PHTF1: variants seen among roughly 807,000 people sequenced by gnomAD.
The protein encoded by PHTF1 is protein PHTF1.
Under a neutral mutation model 102.4 loss-of-function variants are expected in PHTF1, and 88 were observed. The observed-to-expected ratio is 0.86, with a 90% CI of 0.72 to 1.03. PHTF1 has a LOEUF of 1.03. Among genes scored for constraint, PHTF1 ranks in the 50% least tolerant of loss-of-function variants. The pLI, the probability that PHTF1 is intolerant of heterozygous loss-of-function variation, is 0.00. For synonymous variants in PHTF1, 289 were observed against 305.2 expected, an observed-to-expected ratio of 0.95 and a Z score of 0.55; for missense variants, 814 against 909.5, an observed-to-expected ratio of 0.89 and a Z score of 1.35.
chr1:113,731,522 C>T (rs1557946378), intron 5 of PHTF1, among the ~76,000 whole-genome samples: 1 of 151,012 alleles, frequency 6.6e-6, no homozygotes, highest in Non-Finnish European at 1.5e-5. Context: ...AAGAGTGAGA[C>T]CCCGTCTCTA....
intron 5 of PHTF1, among the ~76,000 whole-genome samples, chr1:113,730,979 A>G (rs1006316700): frequency 2.6e-5 from 4 of 152,206 alleles, no homozygotes; most frequent in Non-Finnish European, 4.4e-5. Context: ...TCATAGAGGC[A>G]AGGTAGAATG....
rs367674568 is a variant in PHTF1, at chr1:113,738,263, T to C, written c.178A>G (p.Thr60Ala). The change falls in exon 5 of 19, where the codon ACA becomes GCA. Residue 60 changes from threonine (T) to alanine (A), a missense_variant. Transcript: ENST00000369604. ...ATTTCAGGTTTTGCTTTGGCAAATGTTGACCCTTTAAACATACAATAAAAC... is the reference window on the plus strand; with the variant it reads ...ATTTCAGGTTTTGCTTTGGCAAATGCTGACCCTTTAAACATACAATAAAAC... Reference protein sequence around the residue: ...LIDVDLIRGSTFAKAKPEIPW... With the variant: ...LIDVDLIRGSAFAKAKPEIPW... 4.3e-6 allele frequency: 7 copies of C among 1,613,314 alleles called. No homozygotes were observed. Among genetic ancestry groups the C allele is most frequent in the Non-Finnish European group, 5.9e-6 (7 of 1,179,470 alleles).
In PHTF1 at chr1:113,741,626, G is replaced by T. The variant is rs114813699; in HGVS notation, c.103-2827C>A. 8.5e-3 allele frequency among the ~76,000 whole-genome samples: 1,296 copies of T among 152,176 alleles called. 9 individuals carry two copies. The highest frequency in any genetic ancestry group is 0.014 in the Middle Eastern group (4 of 294). On this transcript the variant is annotated intron_variant, in intron 3 of 18. Coordinates refer to ENST00000369604, the MANE Select transcript of PHTF1 (RefSeq NM_001323043.2). ...ACAGAGTTAGAATTAGCATTAACTA[G>T]AGGTAAAATTATCCAAAGCTCCCTT...
chr1:113,739,924 CA>C (rs1237500566), intron 3 of PHTF1, among the ~76,000 whole-genome samples: 2 of 152,246 alleles, frequency 1.3e-5, no homozygotes, highest in African/African-American at 2.4e-5. Flanking sequence ...TTCTTTCTTA[CA>C]GCTAAATAGT....
intron 3 of PHTF1, among the ~76,000 whole-genome samples, chr1:113,750,625 A>G (rs1230683): frequency 0.75 from 113,592 of 151,802 alleles, 43,044 homozygotes; most frequent in African/African-American, 0.83. Context: ...TTGGGAGGCC[A>G]AGGCAGGCAG....
intron 2 of PHTF1, among the ~76,000 whole-genome samples, chr1:113,758,115 G>A (rs1200646248): frequency 6.6e-6 from 1 of 151,914 alleles, no homozygotes; most frequent in South Asian, 2.1e-4. Context: ...CGGGCGTGGT[G>A]GTGGGCGCCT....
In PHTF1 at chr1:113,706,594, C is replaced by T; in HGVS notation, c.1398G>A (p.Arg466=). 3 of 1,601,570 alleles carry T rather than the reference C, an allele frequency of 1.9e-6. No individual in the cohort carries two copies. Among genetic ancestry groups the T allele is most frequent in the Non-Finnish European group, 2.6e-6 (3 of 1,176,184 alleles). The part of the protein sequence containing the change: ...VLEISGIIMS[R]VNAYQQGVGY... ...AATCTGAAAACATATTCAGTCTTACCCTGCTCATGATGATGCCACTTATTT... is the reference window on the plus strand; with the variant it reads ...AATCTGAAAACATATTCAGTCTTACTCTGCTCATGATGATGCCACTTATTT... The change falls in exon 12 of 19, where the codon AGG becomes AGA. Residue 466 remains arginine (R), a splice_region_variant and synonymous_variant. Transcript: ENST00000369604.
chr1:113,698,439 C>T, intron 17 of PHTF1, 52 bp from the exon 18 acceptor site: 1 of 1,551,198 alleles, frequency 6.4e-7, no homozygotes, highest in Non-Finnish European at 8.9e-7. Flanking sequence ...CTCATAGCTA[C>T]TCAGTGACTT....
At chr1:113,699,556 G>GT in intron 17 of PHTF1, 148 bp downstream of exon 17, 1 of 668,830 alleles carries the variant, frequency 1.5e-6, no homozygotes, top group Non-Finnish European at 2.7e-6. Flanking sequence ...AACCACCACT[G>GT]TGACCCCTAC....
At chr1:113,715,648 CAAAAAAAAA>C (rs60517410) in intron 7 of PHTF1, among the ~76,000 whole-genome samples, 23 of 24,976 alleles carry the variant, frequency 9.2e-4, no homozygotes, top group Admixed American at 1.6e-3. Flanking sequence ...AACCCTGTCT[CAAAAAAAAA>C]AAAAAAAAAA....
chr1:113,698,618 TATACACACACACAC>T (rs201301819), intron 17 of PHTF1, among the ~76,000 whole-genome samples: 15,104 of 115,816 alleles, frequency 0.13, 954 homozygotes, highest in East Asian at 0.2. Flanking sequence ...TATATATATA[TATACACACACACAC>T]ACACACACAC....
chr1:113,726,274 G>C (rs1193962638), intron 6 of PHTF1, 144 bp downstream of exon 6: 1 of 644,390 alleles, frequency 1.6e-6, no homozygotes, highest in Non-Finnish European at 2.6e-6. Flanking sequence ...AAGGAGAAAA[G>C]TGCAAAGTAA....
intron 5 of PHTF1, among the ~76,000 whole-genome samples, chr1:113,733,259 T>G (rs1571196300): frequency 6.6e-6 from 1 of 151,948 alleles, no homozygotes; most frequent in East Asian, 1.9e-4. Flanking sequence ...AAACAGGTAC[T>G]CTCATCTATT....
At chr1:113,718,501 G>T (rs1417771959) in intron 7 of PHTF1, among the ~76,000 whole-genome samples, 1 of 152,218 alleles carries the variant, frequency 6.6e-6, no homozygotes, top group Non-Finnish European at 1.5e-5. Context: ...GACGCTGTGT[G>T]GGGGCTCCGA....
rs1366361045 is a variant in PHTF1, at chr1:113,733,955, G to T, written c.331+4155C>A. Among the ~76,000 whole-genome samples, 3 of 152,174 alleles carry T rather than the reference G, an allele frequency of 2.0e-5. No individual in the cohort carries two copies. In the East Asian group the frequency reaches 5.8e-4, roughly 29 times the overall value. On this transcript the variant is annotated intron_variant, in intron 5 of 18. Coordinates refer to ENST00000369604, the MANE Select transcript of PHTF1 (RefSeq NM_001323043.2). ...AAACATTTTTAAAAGAGATTCTGGT[G>T]AGGAATCAGAAAGAAAAGAGGAGGC... is the stretch of plus-strand genomic sequence containing the variant.
chr1:113,704,066 A>G lies in PHTF1; in HGVS notation c.1890+15T>C. On this transcript the variant is annotated intron_variant, in intron 15 of 18. Transcript: ENST00000369604. ...GAATTTTCATTTTTCCTTAAAGCAG[A>G]TGTGAAACTTTTACCTGAGCACAAC... The G allele has an allele frequency of 6.4e-7, 1 of 1,556,402 alleles. No homozygotes were observed. Among genetic ancestry groups the G allele is most frequent in the Non-Finnish European group, 8.9e-7 (1 of 1,127,838 alleles).
intron 3 of PHTF1, among the ~76,000 whole-genome samples, chr1:113,755,338 T>C (rs1345679917): frequency 1.3e-5 from 2 of 152,236 alleles, no homozygotes; most frequent in Non-Finnish European, 2.9e-5. Context: ...ACTATCAGAC[T>C]GTGAAACCCA....
intron 7 of PHTF1, among the ~76,000 whole-genome samples, chr1:113,721,217 C>T (rs896888379): frequency 1.3e-5 from 2 of 152,086 alleles, no homozygotes; most frequent in African/African-American, 2.4e-5. Flanking sequence ...AATCAATTAA[C>T]GTGACACATC....
intron 8 of PHTF1, among the ~76,000 whole-genome samples, chr1:113,713,004 G>A (rs1409864366): frequency 6.6e-6 from 1 of 152,096 alleles, no homozygotes; most frequent in Admixed American, 6.6e-5. Flanking sequence ...TGTTAGCCAA[G>A]ATGATCTCGA....
Sources: gnomAD v4.1 joint callset for allele counts (sites outside exome capture counted in the v4.1 genomes callset) on GRCh38, gnomAD v4.1.1 for gene constraint, MANE v1.5 for transcripts, NCBI Gene and HGNC (gene_info 2026-07-23, HGNC 2026-07-21) for gene names.